IL20RB: variants seen among roughly 807,000 people sequenced by gnomAD.
IL20RB encodes the protein interleukin 20 receptor subunit beta, also known as interleukin-20 receptor subunit beta.
A neutral mutation model predicts 33.3 loss-of-function variants in IL20RB; 21 were observed. The ratio of observed to expected loss-of-function variants is 0.63; its 90% CI spans 0.45 to 0.91. The LOEUF is 0.91. Ranked by LOEUF, IL20RB falls within the 40% of genes least tolerant of loss-of-function variation. The pLI is 0.00. For missense variants in IL20RB, 345 were observed against 384.8 expected, an observed-to-expected ratio of 0.90 and a Z score of 0.86; for synonymous variants, 147 against 146.8, an observed-to-expected ratio of 1.00 and a Z score of -0.01.
At chr3:136,970,683 C>T (rs1438226526) in intron 1 of IL20RB, among the ~76,000 whole-genome samples, 15 of 146,708 alleles carry the variant, frequency 1.0e-4, no homozygotes, top group South Asian at 4.3e-4. Flanking sequence ...GATGGAGTCT[C>T]GCTCTGTCAT....
intron 3 of IL20RB, among the ~76,000 whole-genome samples, chr3:136,982,998 C>T (rs1941815848): frequency 6.6e-6 from 1 of 151,984 alleles, no homozygotes; most frequent in African/African-American, 2.4e-5. Context: ...GGTAGGGAAG[C>T]AGTTGATCAT....
intron 6 of IL20RB, among the ~76,000 whole-genome samples, chr3:137,003,532 A>G (rs938033529): frequency 1.3e-5 from 2 of 152,116 alleles, no homozygotes; most frequent in Admixed American, 6.5e-5. Context: ...CTTTGTAGCA[A>G]TGGTGAATGG....
intron 6 of IL20RB, among the ~76,000 whole-genome samples, chr3:137,009,426 C>T (rs996232371): frequency 3.9e-5 from 6 of 152,016 alleles, no homozygotes; most frequent in African/African-American, 1.4e-4. Flanking sequence ...GAAGGGACTC[C>T]CATTTATGGA....
chr3:136,974,402 GC>G (rs1263613497), intron 1 of IL20RB, among the ~76,000 whole-genome samples: 4 of 152,138 alleles, frequency 2.6e-5, no homozygotes, highest in African/African-American at 9.7e-5. Context: ...GGATGATTTT[GC>G]CAGATGTAAT....
chr3:136,996,886 G>A (rs967133744), intron 6 of IL20RB, among the ~76,000 whole-genome samples: 6 of 152,174 alleles, frequency 3.9e-5, no homozygotes, highest in African/African-American at 7.2e-5. Flanking sequence ...TTACCCTTTA[G>A]CAAGAACGTG....
chr3:137,006,585 C>T (rs1942354801), intron 6 of IL20RB, among the ~76,000 whole-genome samples: 1 of 152,138 alleles, frequency 6.6e-6, no homozygotes, highest in Non-Finnish European at 1.5e-5. Context: ...GTGCATGCGT[C>T]ATGAAGTTCT....
chr3:137,005,125 TGACA>T (rs1209420222), intron 6 of IL20RB, among the ~76,000 whole-genome samples: 4 of 152,262 alleles, frequency 2.6e-5, no homozygotes, highest in African/African-American at 4.8e-5. Flanking sequence ...CATTGTGGTC[TGACA>T]GACAGTTTGT....
chr3:136,986,232 TAAATAAATAAATAAATAAATAAATAAAA>T (rs1453826534), intron 3 of IL20RB, among the ~76,000 whole-genome samples: 10 of 125,058 alleles, frequency 8.0e-5, no homozygotes, highest in South Asian at 7.4e-4. Context: ...AATAAATAAA[TAAATAAATAAATAAATAAATAAATAAAA>T]ATAAAACAGG....
In IL20RB at chr3:137,010,322, G is replaced by A; in HGVS notation, c.*99G>A. On this transcript the variant is annotated 3_prime_UTR_variant, in exon 7 of 7. Coordinates refer to ENST00000329582, the MANE Select transcript of IL20RB (RefSeq NM_144717.4). ...TTTCTGTTTTCCGCCACGGACAAGG[G>A]ATGAGAGAAGTAGGAAGAGCCTGTT... 2.8e-6 allele frequency: 2 copies of A among 707,288 alleles called. No individual in the cohort carries two copies. Among genetic ancestry groups the A allele is most frequent in the East Asian group, 2.5e-5 (1 of 39,392 alleles). The allele number at this position is 707,288 out of a possible 1,614,324, so 43.8% of individuals were successfully genotyped here.
At chr3:136,963,693 A>AAATTT (rs1560064425) in intron 1 of IL20RB, among the ~76,000 whole-genome samples, 1 of 62,720 alleles carries the variant, frequency 1.6e-5, no homozygotes, top group African/African-American at 7.0e-5. Context: ...TTTTTTTTTT[A>AAATTT]TTTTTTTTTT....
At chr3:136,988,736 C>A (rs571362140) in intron 3 of IL20RB, among the ~76,000 whole-genome samples, 1 of 151,692 alleles carries the variant, frequency 6.6e-6, no homozygotes, top group Non-Finnish European at 1.5e-5. Flanking sequence ...CAGAGTGAGA[C>A]CCTGTCTGAA....
chr3:136,996,579 A>G (rs1410867943), intron 6 of IL20RB, among the ~76,000 whole-genome samples: 2 of 152,116 alleles, frequency 1.3e-5, no homozygotes, highest in South Asian at 2.1e-4. Flanking sequence ...CAGGAGGAAT[A>G]ATTCTTACTA....
chr3:136,973,058 A>G (rs1042162755), intron 1 of IL20RB, among the ~76,000 whole-genome samples: 4 of 152,172 alleles, frequency 2.6e-5, no homozygotes, highest in Non-Finnish European at 4.4e-5. Flanking sequence ...CCCAATGGTC[A>G]TTCAAGATCA....
intron 2 of IL20RB, among the ~76,000 whole-genome samples, chr3:136,981,454 A>C (rs150434466): frequency 1.4e-3 from 213 of 152,266 alleles, no homozygotes; most frequent in African/African-American, 4.8e-3. Context: ...TTTGGATAGT[A>C]ATCAGTGCTA....
intron 1 of IL20RB, among the ~76,000 whole-genome samples, chr3:136,962,494 C>T (rs1941248359): frequency 6.6e-6 from 1 of 152,156 alleles, no homozygotes; most frequent in South Asian, 2.1e-4. Flanking sequence ...TGGCTCATGC[C>T]TGTAATCCCA....
In IL20RB at chr3:136,982,300, C is replaced by T. The variant is rs756901507; in HGVS notation, c.356C>T (p.Ser119Leu). 1 of 1,609,292 alleles carries T rather than the reference C, an allele frequency of 6.2e-7. No homozygotes were observed. The highest frequency in any genetic ancestry group is 1.3e-5 in the African/African-American group (1 of 74,930). Residue 119 changes from serine (S) to leucine (L), a missense_variant, in exon 3 of 7, where the codon TCA (serine) becomes TTA (leucine). Ser to Leu is a moderately radical substitution (Grantham distance 145, BLOSUM62 -2). Transcript: ENST00000329582. The part of the protein sequence containing the change: ...YNLRVRATLG[S>L]QTSAWSILKH... The stretch of plus-strand genomic sequence containing the variant: ...CTTCGTGTCAGGGCCACATTGGGCT[C>T]ACAGACCTCAGCCTGGAGCATCCTG...
chr3:136,962,926 A>G (rs1206233340), intron 1 of IL20RB, among the ~76,000 whole-genome samples: 3 of 151,514 alleles, frequency 2.0e-5, no homozygotes, highest in African/African-American at 7.3e-5. Flanking sequence ...TAAATACTGA[A>G]GCTTAGTTAA....
chr3:136,990,460 C>A (rs1942010787), intron 4 of IL20RB, among the ~76,000 whole-genome samples: 1 of 152,130 alleles, frequency 6.6e-6, no homozygotes, highest in Non-Finnish European at 1.5e-5. Context: ...AGGCTGTGAT[C>A]CCTCATCAAT....
chr3:136,992,449 G>A (rs1488690714), intron 5 of IL20RB, among the ~76,000 whole-genome samples: 1 of 152,248 alleles, frequency 6.6e-6, no homozygotes, highest in Non-Finnish European at 1.5e-5. Context: ...GACCTTGGAA[G>A]GAGGTGCTAC....
Sources: gnomAD v4.1 joint callset for allele counts (sites outside exome capture counted in the v4.1 genomes callset) on GRCh38, gnomAD v4.1.1 for gene constraint, MANE v1.5 for transcripts, NCBI Gene and HGNC (gene_info 2026-07-23, HGNC 2026-07-21) for gene names.